The following MCFD2 variants were observed in gnomAD, a reference collection of about 807,000 sequenced individuals.
MCFD2 encodes the protein multiple coagulation factor deficiency 2, ER cargo receptor complex subunit.
MCFD2 carries 11 observed loss-of-function variants against 12.8 expected under a neutral mutation model. The ratio of observed to expected loss-of-function variants is 0.86; its 90% confidence interval spans 0.54 to 1.42. MCFD2 has a LOEUF of 1.42. MCFD2 is among the 40% of genes most tolerant of loss of function. The probability of loss-of-function intolerance (pLI) is 0.00; values close to 1 mark genes in which losing one functional copy is unlikely to be tolerated. For missense variants in MCFD2, 191 were observed against 178.6 expected, an observed-to-expected ratio of 1.07 and a Z score of -0.40; for synonymous variants, 70 against 68.1, an observed-to-expected ratio of 1.03 and a Z score of -0.14.
chr2:46,925,868 A>G (rs1454034336), intron 1 of MCFD2, among the ~76,000 whole-genome samples: 1 of 152,230 alleles, frequency 6.6e-6, no homozygotes, highest in Admixed American at 6.5e-5. Flanking sequence ...CAGTTCCACA[A>G]GATTCCTTTC....
At chr2:46,923,650 G>C (rs923551338) in intron 1 of MCFD2, among the ~76,000 whole-genome samples, 3 of 152,130 alleles carry the variant, frequency 2.0e-5, no homozygotes, top group Non-Finnish European at 2.9e-5. Context: ...CTAACATCTT[G>C]GGAGGCCGAG....
chr2:46,939,086 G>C (rs979432626), intron 1 of MCFD2, among the ~76,000 whole-genome samples: 4 of 151,518 alleles, frequency 2.6e-5, no homozygotes, highest in African/African-American at 9.7e-5. Flanking sequence ...GACCAGCCTG[G>C]GCAACACAGC....
At chr2:46,936,525 G>A (rs903177389) in intron 1 of MCFD2, among the ~76,000 whole-genome samples, 1 of 152,124 alleles carries the variant, frequency 6.6e-6, no homozygotes, top group African/African-American at 2.4e-5. Flanking sequence ...AGGCTGGGGG[G>A]TCCTGAGCCA....
chr2:46,941,563 G>T lies in MCFD2; in HGVS notation c.-8+9C>A. 6.4e-7 allele frequency: 1 copy of T among 1,556,338 alleles called. No homozygotes were observed. Among genetic ancestry groups the T allele is most frequent in the Non-Finnish European group, 8.7e-7 (1 of 1,150,552 alleles). ...GAAGATGGCTGCGAAGGGCGCGCACGGCTCCTACCTGAAGGTGGAGAGCGA... is the reference window on the plus strand; with the variant it reads ...GAAGATGGCTGCGAAGGGCGCGCACTGCTCCTACCTGAAGGTGGAGAGCGA... On this transcript the variant is annotated intron_variant, in intron 1 of 2. Coordinates refer to the MCFD2 transcript ENST00000409147. This position sits in a 1 kb window ranked among gnomAD's most constrained non-coding sequence, Gnocchi z 4.2.
Position 46,903,931 on chromosome 2 carries a change from G to A in MCFD2, c.*1532C>T, listed in dbSNP as rs1228181666. The A allele has an allele frequency of 6.6e-6, 1 of 152,118 alleles. No individual in the cohort carries two copies. The allele number at this position is 152,118 out of a possible 1,614,324, so 9.4% of individuals were successfully genotyped here. ...CTAATGTTAATCCCCAACACCATGG[G>A]GAAAATGTCTCCAGGCCATGTCAGG... On this transcript the variant is annotated 3_prime_UTR_variant, in exon 4 of 4. Transcript: ENST00000319466.
At chr2:46,915,376 G>T (rs1668682016) in intron 1 of MCFD2, among the ~76,000 whole-genome samples, 1 of 152,052 alleles carries the variant, frequency 6.6e-6, no homozygotes, top group Non-Finnish European at 1.5e-5. Context: ...GGAACAAGGA[G>T]CAGAGGGAGA....
At chr2:46,934,807 T>C (rs1324875917) in intron 1 of MCFD2, among the ~76,000 whole-genome samples, 2 of 129,432 alleles carry the variant, frequency 1.5e-5, no homozygotes, top group South Asian at 2.8e-4. Context: ...TTTTTTTTTT[T>C]TTTTTTTTTT....
At position 46,904,571 on chromosome 2, in the gene MCFD2, C is replaced by A. The variant is rs886056114; in HGVS notation, c.*892G>T. 1 of 152,182 alleles carries A rather than the reference C, an allele frequency of 6.6e-6. No homozygotes were observed. Among genetic ancestry groups the A allele is most frequent in the Non-Finnish European group, 1.5e-5 (1 of 68,056 alleles). 9.4% of individuals were successfully genotyped at this position (152,182 alleles called of 1,614,324 possible). ...TTCTGGAACTTTAAAATTTGACAGC[C>A]CTGCTGGATTTCGGACTTGCATGGG... On this transcript the variant is annotated 3_prime_UTR_variant, in exon 4 of 4. Coordinates refer to ENST00000319466, the MANE Select transcript of MCFD2 (RefSeq NM_139279.6).
rs1163253991 is a variant in MCFD2, at chr2:46,909,111, C to T, written c.61G>A (p.Ala21Thr). The change falls in exon 2 of 4, where the codon GCC becomes ACC. Residue 21 changes from alanine to threonine, a missense_variant. Transcript: ENST00000319466. ...FLCGLLWAFC[A>T]PGARAEEPAA... ...GGCTCCTCAGCCCTGGCGCCTGGGG[C>T]ACAAAAGGCCCAGAGCAGGCCACAC... 1 of 1,614,056 alleles carries T rather than the reference C, an allele frequency of 6.2e-7. No homozygotes were observed. Among genetic ancestry groups the T allele is most frequent in the African/African-American group, 1.3e-5 (1 of 74,908 alleles).
intron 1 of MCFD2, among the ~76,000 whole-genome samples, chr2:46,936,523 G>A (rs1047861364): frequency 2.6e-5 from 4 of 152,144 alleles, no homozygotes; most frequent in Admixed American, 6.5e-5. Flanking sequence ...TGAGGCTGGG[G>A]GGTCCTGAGC....
At chr2:46,905,856 T>C (rs1668204574) in intron 3 of MCFD2, 4 of 570,770 alleles carry the variant, frequency 7.0e-6, no homozygotes, top group Non-Finnish European at 1.4e-5. Context: ...AGTTTAGAAA[T>C]TACATTTGCC....
At chr2:46,920,664 T>A (rs944283534), upstream of MCFD2, among the ~76,000 whole-genome samples, 87 of 146,044 alleles carry the variant, frequency 6.0e-4, no homozygotes, top group African/African-American at 2.0e-3. Flanking sequence ...AAAAAAAAAA[T>A]AGATAAATTT....
chr2:46,919,730 T>C (rs1669000332), upstream of MCFD2, among the ~76,000 whole-genome samples: 1 of 152,196 alleles, frequency 6.6e-6, no homozygotes, highest in African/African-American at 2.4e-5. Flanking sequence ...ATGCAAAAGG[T>C]GTGCGTTCTG....
At chr2:46,928,468 A>G (rs1038692563) in intron 1 of MCFD2, among the ~76,000 whole-genome samples, 1 of 150,710 alleles carries the variant, frequency 6.6e-6, no homozygotes, top group East Asian at 1.9e-4. Flanking sequence ...TTAAAAAAAA[A>G]AAAAAAAAAA....
upstream of MCFD2, among the ~76,000 whole-genome samples, chr2:46,920,559 G>A (rs1053789464): frequency 6.6e-6 from 1 of 151,560 alleles, no homozygotes; most frequent in African/African-American, 2.4e-5. Flanking sequence ...TTGAACTCCT[G>A]AACTCACGTG....
chr2:46,927,306 C>T (rs1267959353), intron 1 of MCFD2, among the ~76,000 whole-genome samples: 5 of 150,314 alleles, frequency 3.3e-5, no homozygotes, highest in Non-Finnish European at 5.9e-5. Context: ...TAAAATAAGT[C>T]TGTAGAAAAC....
upstream of MCFD2, among the ~76,000 whole-genome samples, chr2:46,916,850 G>A (rs62140550): frequency 0.13 from 19,033 of 151,752 alleles, 1,721 homozygotes; most frequent in African/African-American, 0.25. Flanking sequence ...GGCCAGGCTG[G>A]TCTCTAACTG....
chr2:46,938,622 C>T (rs1208402869), intron 1 of MCFD2, among the ~76,000 whole-genome samples: 1 of 152,144 alleles, frequency 6.6e-6, no homozygotes, highest in South Asian at 2.1e-4. Context: ...ATTGATTTAT[C>T]AGTACTTTGG....
At chr2:46,925,312 C>T (rs1669329906) in intron 1 of MCFD2, among the ~76,000 whole-genome samples, 1 of 152,132 alleles carries the variant, frequency 6.6e-6, no homozygotes, top group Non-Finnish European at 1.5e-5. Flanking sequence ...AATCCCAGCA[C>T]TTTGGGAGGC....
Sources: gnomAD v4.1 joint callset for allele counts (sites outside exome capture counted in the v4.1 genomes callset) on GRCh38, gnomAD v4.1.1 for gene constraint, Gnocchi (gnomAD v3.1) non-coding constraint, MANE v1.5 for transcripts, NCBI Gene and HGNC (gene_info 2026-07-23, HGNC 2026-07-21) for gene names.